TRMT11: variants seen among roughly 807,000 people sequenced by gnomAD.
TRMT11 encodes the protein tRNA (guanine(10)-N(2))-methyltransferase TRMT11.
Under a neutral mutation model 62.8 loss-of-function variants are expected in TRMT11, and 53 were observed. The observed-to-expected ratio is 0.84, with a 90% CI of 0.68 to 1.06. The LOEUF (loss-of-function observed/expected upper bound fraction) is 1.06. Ranked by LOEUF, TRMT11 falls within the 50% of genes least tolerant of loss-of-function variation. The pLI, the probability that TRMT11 is intolerant of heterozygous loss-of-function variation, is 0.00. For missense variants in TRMT11, 556 were observed against 553.4 expected, an observed-to-expected ratio of 1.00 and a Z score of -0.05; for synonymous variants, 188 against 190.3, an observed-to-expected ratio of 0.99 and a Z score of 0.10.
chr6:126,270,599 T>A, the TRMT11 span, among the ~76,000 whole-genome samples: 1 of 152,196 alleles, frequency 6.6e-6, no homozygotes, highest in Admixed American at 6.5e-5. Flanking sequence ...TATATTGTAG[T>A]TATATAAGCA....
intron 21 of TRMT11, among the ~76,000 whole-genome samples, chr6:126,143,098 A>G (rs951258200): frequency 3.9e-5 from 6 of 152,110 alleles, no homozygotes; most frequent in African/African-American, 1.4e-4. Context: ...AAAAGTTCTT[A>G]ATATTTTAAC....
At chr6:126,047,510 C>A (rs534081471) in intron 16 of TRMT11, among the ~76,000 whole-genome samples, 3 of 152,054 alleles carry the variant, frequency 2.0e-5, no homozygotes, top group African/African-American at 7.2e-5. Context: ...CAGTTAAAGC[C>A]CCGTATTCAC....
intron 3 of TRMT11, 121 bp from the exon 4 acceptor site, chr6:125,997,932 A>G (rs1791833048): frequency 4.3e-6 from 3 of 691,808 alleles, no homozygotes; most frequent in Non-Finnish European, 5.1e-6. Context: ...ATTCATTTAT[A>G]CTTTGCAAAA....
At chr6:126,250,289 G>A in the TRMT11 span, among the ~76,000 whole-genome samples, 1 of 152,062 alleles carries the variant, frequency 6.6e-6, no homozygotes, top group Non-Finnish European at 1.5e-5. Flanking sequence ...AATTGCAGGG[G>A]AACTCTCTCC....
At chr6:126,166,582 C>G (rs533171207) in intron 21 of TRMT11, among the ~76,000 whole-genome samples, 4 of 152,162 alleles carry the variant, frequency 2.6e-5, no homozygotes, top group Admixed American at 2.6e-4. Flanking sequence ...ACAGGATGCA[C>G]GGGGGTCAAG....
chr6:126,176,777 C>G (rs1427514841), upstream of TRMT11, among the ~76,000 whole-genome samples: 2 of 152,022 alleles, frequency 1.3e-5, no homozygotes, highest in African/African-American at 4.8e-5. Context: ...ACAAGAAGCC[C>G]ATTAAAATGA....
intron 17 of TRMT11, among the ~76,000 whole-genome samples, chr6:126,066,273 G>C (rs1776686672): frequency 6.6e-6 from 1 of 152,186 alleles, no homozygotes; most frequent in African/African-American, 2.4e-5. Context: ...CAGGCCCTTT[G>C]GGTGTGGCCT....
intron 12 of TRMT11, among the ~76,000 whole-genome samples, chr6:126,024,125 GTTTT>G (rs898597635): frequency 1.3e-5 from 2 of 152,186 alleles, no homozygotes; most frequent in African/African-American, 4.8e-5. Flanking sequence ...ACTGAATATT[GTTTT>G]TTAAGTTAAA....
At chr6:126,114,009 T>C (rs1339369406) in intron 18 of TRMT11, among the ~76,000 whole-genome samples, 1 of 152,030 alleles carries the variant, frequency 6.6e-6, no homozygotes, top group African/African-American at 2.4e-5. Context: ...CAATAGTGGG[T>C]CATGAAATCA....
chr6:126,064,373 AC>A (rs903204493), intron 17 of TRMT11, among the ~76,000 whole-genome samples: 8 of 152,242 alleles, frequency 5.3e-5, no homozygotes, highest in African/African-American at 1.9e-4. Context: ...AAGGATTAGT[AC>A]CTTCTATTCT....
the TRMT11 span, among the ~76,000 whole-genome samples, chr6:126,234,898 A>G: frequency 2.6e-5 from 4 of 152,224 alleles, no homozygotes; most frequent in African/African-American, 9.6e-5. Flanking sequence ...TACTCTATGT[A>G]ATATGGGCAT....
chr6:126,116,912 CT>C (rs1364710545), intron 21 of TRMT11, among the ~76,000 whole-genome samples: 3 of 152,064 alleles, frequency 2.0e-5, no homozygotes, highest in Admixed American at 1.3e-4. Context: ...TATTAGCTCT[CT>C]TTTTGGAGAT....
downstream of TRMT11, among the ~76,000 whole-genome samples, chr6:126,205,687 A>G (rs994874855): frequency 6.6e-6 from 1 of 152,118 alleles, no homozygotes; most frequent in African/African-American, 2.4e-5. Context: ...CTTGGGTGTA[A>G]CAAAGTATTA....
intron 21 of TRMT11, among the ~76,000 whole-genome samples, chr6:126,121,746 A>G (rs1043177637): frequency 5.3e-5 from 8 of 152,068 alleles, no homozygotes; most frequent in African/African-American, 1.9e-4. Flanking sequence ...GTCCAGGACA[A>G]TTTATGTTCT....
intron 11 of TRMT11, among the ~76,000 whole-genome samples, chr6:126,020,170 T>C (rs1057408700): frequency 6.6e-6 from 1 of 152,226 alleles, no homozygotes; most frequent in African/African-American, 2.4e-5. Flanking sequence ...GTCCTTTACA[T>C]GAAAAACTAA....
At chr6:126,144,880 C>T (rs937959756) in intron 21 of TRMT11, among the ~76,000 whole-genome samples, 3 of 152,048 alleles carry the variant, frequency 2.0e-5, no homozygotes, top group African/African-American at 7.2e-5. Context: ...TTAAACAGAC[C>T]TCCTGATTTT....
chr6:125,995,896 ACTT>A (rs1360962484), intron 2 of TRMT11, 68 bp from the exon 3 acceptor site: 4 of 901,486 alleles, frequency 4.4e-6, no homozygotes, highest in Non-Finnish European at 7.4e-6. Flanking sequence ...CTCCTTATTG[ACTT>A]CTTGAATAAA....
intron 8 of TRMT11, chr6:126,009,258 A>C (rs1793826715): frequency 6.6e-6 from 1 of 151,992 alleles, no homozygotes. Flanking sequence ...TAACTGACCA[A>C]AACCTCTTTA....
At position 126,172,034 on chromosome 6, in the gene TRMT11, A is replaced by T. The variant is rs978623322; in HGVS notation, c.*1824-2791A>T. Among the ~76,000 whole-genome samples the T allele has an allele frequency of 9.2e-5, 14 of 152,114 alleles. No homozygotes were observed. In the East Asian group the frequency reaches 2.1e-3, roughly 23 times the overall value. On this transcript the variant is annotated intron_variant and NMD_transcript_variant, in intron 21 of 22. Transcript: ENST00000648977. ...ACACCTGGCCTTTAAAGGGCTTTTT[A>T]AAAAAAGGTTAAATGTTTTTCACCA...
Sources: gnomAD v4.1 joint callset for allele counts (sites outside exome capture counted in the v4.1 genomes callset) on GRCh38, gnomAD v4.1.1 for gene constraint, MANE v1.5 for transcripts, NCBI Gene and HGNC (gene_info 2026-07-23, HGNC 2026-07-21) for gene names.